Variants in ASIC2 observed in about 807,000 individuals in gnomAD.
ASIC2 encodes the protein acid-sensing ion channel 2.
A neutral mutation model predicts 57.3 loss-of-function variants in ASIC2; 25 were observed. The ratio of observed to expected loss-of-function variants is 0.44; its 90% confidence interval spans 0.32 to 0.61. ASIC2 has a LOEUF of 0.61. ASIC2 is among the 20% of genes least tolerant of loss of function. The probability of loss-of-function intolerance (pLI) is 0.06; values close to 1 mark genes in which losing one functional copy is unlikely to be tolerated. For missense variants in ASIC2, 641 were observed against 738.1 expected (o/e 0.87, Z 1.52); for synonymous variants, 319 against 307.5 (o/e 1.04, Z -0.39).
intron 1 of ASIC2, among the ~76,000 whole-genome samples, chr17:33,339,786 C>A (rs112190168): frequency 3.7e-4 from 56 of 152,284 alleles, no homozygotes; most frequent in African/African-American, 1.3e-3. Flanking sequence ...GGAGCTGTAC[C>A]ACTTTGACAT....
chr17:33,472,662 T>C (rs1464084655), intron 1 of ASIC2, among the ~76,000 whole-genome samples: 1 of 152,078 alleles, frequency 6.6e-6, no homozygotes, highest in African/African-American at 2.4e-5. Flanking sequence ...CTGCAGAACA[T>C]CTTGGCAATG....
At chr17:34,041,728 A>C (rs1056136717) in intron 1 of ASIC2, among the ~76,000 whole-genome samples, 1 of 152,178 alleles carries the variant, frequency 6.6e-6, no homozygotes, top group Non-Finnish European at 1.5e-5. Flanking sequence ...AGAAACAAAG[A>C]CTTTTAATGC....
intron 1 of ASIC2, among the ~76,000 whole-genome samples, chr17:33,869,469 T>C (rs1443982727): frequency 1.3e-5 from 2 of 152,136 alleles, no homozygotes; most frequent in African/African-American, 2.4e-5. Flanking sequence ...TTTATAATAG[T>C]CAAAAAGTAG....
chr17:33,770,198 A>T (rs1303785057), intron 1 of ASIC2, among the ~76,000 whole-genome samples: 2 of 152,182 alleles, frequency 1.3e-5, no homozygotes, highest in African/African-American at 4.8e-5. Flanking sequence ...CCTGGTCCCT[A>T]GCTTAACTGC....
intron 1 of ASIC2, among the ~76,000 whole-genome samples, chr17:33,225,882 T>C (rs575407232): frequency 6.6e-6 from 1 of 152,346 alleles, no homozygotes; most frequent in African/African-American, 2.4e-5. Flanking sequence ...GTCACTAATA[T>C]GGTTACCCAA....
At position 33,157,090 on chromosome 17, in the gene ASIC2, A is replaced by G. The variant is rs116269137; in HGVS notation, c.709-45023T>C. Among the ~76,000 whole-genome samples, 1,404 of 152,108 alleles carry G rather than the reference A, an allele frequency of 9.2e-3. 17 individuals are homozygous for G. Among genetic ancestry groups the G allele is most frequent in the African/African-American group, 0.032 (1,315 of 41,494 alleles). On this transcript the variant is annotated intron_variant, in intron 1 of 9. Coordinates refer to ENST00000225823, the MANE Select transcript of ASIC2 (RefSeq NM_183377.2). Reference sequence around the variant, plus strand: ...GATGGGGACTCAGGGACTGCAACTAACTCATGAGATGGCACGTGGTCAAGG... The same window carrying G: ...GATGGGGACTCAGGGACTGCAACTAGCTCATGAGATGGCACGTGGTCAAGG...
chr17:33,390,376 CT>C (rs1277498047), intron 1 of ASIC2, among the ~76,000 whole-genome samples: 1 of 152,058 alleles, frequency 6.6e-6, no homozygotes, highest in Non-Finnish European at 1.5e-5. Context: ...GAACTCTTCT[CT>C]TTCTTTAAAA....
intron 1 of ASIC2, among the ~76,000 whole-genome samples, chr17:33,553,936 C>T (rs764085658): frequency 2.6e-5 from 4 of 152,132 alleles, no homozygotes; most frequent in African/African-American, 9.7e-5. Context: ...GGCAGGTAGA[C>T]GTTGAATCTG....
intron 1 of ASIC2, among the ~76,000 whole-genome samples, chr17:34,040,574 G>C (rs1030740085): frequency 7.2e-5 from 11 of 152,156 alleles, no homozygotes; most frequent in Admixed American, 7.2e-4. Flanking sequence ...GGTTAGACAG[G>C]GTAGGGTGAC....
intron 1 of ASIC2, among the ~76,000 whole-genome samples, chr17:33,534,773 C>T (rs190686045): frequency 1.1e-4 from 17 of 152,340 alleles, no homozygotes; most frequent in African/African-American, 3.8e-4. Flanking sequence ...AGGGGCACCT[C>T]TAAGCTATAA....
chr17:33,543,297 A>AAAAC (rs879760566), intron 1 of ASIC2, among the ~76,000 whole-genome samples: 14,246 of 121,210 alleles, frequency 0.12, 1,786 homozygotes, highest in African/African-American at 0.34. Flanking sequence ...AAAACAAAAC[A>AAAAC]AAAACAAAAA....
chr17:34,018,909 TG>T (rs1419463406), intron 1 of ASIC2, among the ~76,000 whole-genome samples: 2 of 151,966 alleles, frequency 1.3e-5, no homozygotes, highest in Non-Finnish European at 2.9e-5. Context: ...GACTTCTTTT[TG>T]TTTGTTTTTT....
intron 3 of ASIC2, among the ~76,000 whole-genome samples, chr17:33,035,534 C>T (rs1479399118): frequency 1.3e-5 from 2 of 152,086 alleles, no homozygotes; most frequent in African/African-American, 4.8e-5. Context: ...TTATTTAAGG[C>T]TTTGTTTAGA....
chr17:34,143,097 T>C (rs1337545482), intron 1 of ASIC2: 1 of 152,208 alleles, frequency 6.6e-6, no homozygotes, highest in Non-Finnish European at 1.5e-5. Context: ...ATCGTAATTA[T>C]ATGCCCAGCT....
chr17:33,782,625 A>T (rs1567714262), intron 1 of ASIC2, among the ~76,000 whole-genome samples: 2 of 152,072 alleles, frequency 1.3e-5, no homozygotes, highest in Non-Finnish European at 2.9e-5. Context: ...GCTACTTGGG[A>T]GGCTTAGGTG....
chr17:33,237,213 A>G (rs1226128868), intron 1 of ASIC2, among the ~76,000 whole-genome samples: 1 of 152,168 alleles, frequency 6.6e-6, no homozygotes, highest in Non-Finnish European at 1.5e-5. Context: ...AAAAAGTCCC[A>G]AGTGGATGTT....
At chr17:33,617,476 C>CG (rs1393624447) in intron 1 of ASIC2, among the ~76,000 whole-genome samples, 1 of 151,836 alleles carries the variant, frequency 6.6e-6, no homozygotes, top group Non-Finnish European at 1.5e-5. Flanking sequence ...AAGAAAGGAA[C>CG]AACAAACACC....
rs532174020 is a variant in ASIC2 at position 33,772,115 on chromosome 17, C to T, written c.555+383863G>A. Among the ~76,000 whole-genome samples the T allele has an allele frequency of 2.0e-5, 3 of 152,250 alleles. No homozygotes were observed. In the East Asian group the frequency reaches 5.8e-4, roughly 29 times the overall value. ...CAAGGAGAGTCACAGGAGCAGAACC[C>T]CTTTTCCTGAAAGCCAGCTGTAAAA... On this transcript the variant is annotated intron_variant, in intron 1 of 9. Transcript: ENST00000359872.
At chr17:34,086,683 T>G (rs1193357363) in intron 1 of ASIC2, among the ~76,000 whole-genome samples, 1 of 152,198 alleles carries the variant, frequency 6.6e-6, no homozygotes, top group South Asian at 2.1e-4. Context: ...TAAGTCTCTT[T>G]GTAGGTCACT....
Sources: allele counts gnomAD v4.1 joint callset (sites outside exome capture counted in the v4.1 genomes callset), GRCh38; gene constraint gnomAD v4.1.1; transcripts MANE v1.5; gene names NCBI Gene and HGNC (gene_info 2026-07-23, HGNC 2026-07-21).